MAN1B1: variants seen among roughly 807,000 people sequenced by gnomAD.
The protein encoded by MAN1B1 is mannosidase alpha class 1B member 1, also known as endoplasmic reticulum mannosyl-oligosaccharide 1,2-alpha-mannosidase.
Under a neutral mutation model 75.5 loss-of-function variants are expected in MAN1B1, and 66 were observed. The observed-to-expected ratio is 0.87, with a 90% CI of 0.72 to 1.07. MAN1B1 has a LOEUF of 1.07. Among genes scored for constraint, MAN1B1 ranks in the 50% least tolerant of loss-of-function variants. MAN1B1 has a pLI of 0.00. For synonymous variants in MAN1B1, 453 were observed against 382.8 expected (o/e 1.18, Z -2.14); for missense variants, 973 against 912.5 (o/e 1.07, Z -0.85).
intron 6 of MAN1B1, among the ~76,000 whole-genome samples, chr9:137,100,389 A>G (rs1830775333): frequency 6.6e-6 from 1 of 152,242 alleles, no homozygotes; most frequent in African/African-American, 2.4e-5. Context: ...ATTGGTGGCC[A>G]TAGCAACTGC....
intron 1 of MAN1B1, 34 bp from the exon 2 acceptor site, chr9:137,088,041 C>G: frequency 1.3e-6 from 2 of 1,490,866 alleles, no homozygotes; most frequent in Non-Finnish European, 1.9e-6. Context: ...GTGATATATT[C>G]AGTAAGAAAT....
intron 2 of MAN1B1, 165 bp from the exon 3 acceptor site, chr9:137,088,704 A>T (rs1830444443): frequency 1.2e-6 from 1 of 860,652 alleles, no homozygotes. Context: ...GTGTTTTGAA[A>T]AAGATTTCAT....
In MAN1B1 at chr9:137,096,272, C is replaced by T. The variant is rs1380773429; in HGVS notation, c.501C>T (p.His167=). 3 of 1,614,010 alleles carry T rather than the reference C, an allele frequency of 1.9e-6. No homozygotes were observed. The highest frequency in any genetic ancestry group is 1.7e-6 in the Non-Finnish European group (2 of 1,180,036). The change falls in exon 4 of 13, where the codon CAC becomes CAT. Residue 167 remains histidine (H), a synonymous_variant. Coordinates refer to ENST00000371589, the MANE Select transcript of MAN1B1 (RefSeq NM_016219.5). ...GACACATCCAGCGGGGACCACCTCA[C>T]CTGCAGATTAGACCCCCAAGCCAAG... is the stretch of plus-strand genomic sequence containing the variant. The part of the protein sequence containing the change: ...TQRHIQRGPP[H]LQIRPPSQDL...
At chr9:137,100,120 T>C (rs570486127) in intron 6 of MAN1B1, among the ~76,000 whole-genome samples, 1 of 152,328 alleles carries the variant, frequency 6.6e-6, no homozygotes, top group African/African-American at 2.4e-5. Flanking sequence ...GTGGACTCTT[T>C]GGGGGACGTC....
intron 2 of MAN1B1, 79 bp downstream of exon 2, chr9:137,088,262 A>T: frequency 6.2e-7 from 1 of 1,613,348 alleles, no homozygotes; most frequent in South Asian, 1.1e-5. Flanking sequence ...ATTCTACCTT[A>T]AACAGCTCCA....
rs1831096819 is a variant in MAN1B1 at position 137,106,246 on chromosome 9, GCGC to G, written c.1378_1380del (p.Ala460del). 8.8e-6 allele frequency: 14 copies of G among 1,592,110 alleles called. No homozygotes were observed. Among genetic ancestry groups the G allele is most frequent in the Non-Finnish European group, 1.2e-5 (14 of 1,169,722 alleles). ...ACCCACCTGGGCGTATTCACGCTGG[GCGC>G]CAGGGCCGACAGCTACTATGAGTAC... On this transcript the variant is annotated inframe_deletion, in exon 9 of 13. Coordinates refer to ENST00000371589, the MANE Select transcript of MAN1B1 (RefSeq NM_016219.5).
chr9:137,103,501 C>T (rs937846033), intron 8 of MAN1B1: 3 of 436,546 alleles, frequency 6.9e-6, no homozygotes, highest in Non-Finnish European at 1.4e-5. Context: ...CACATTCACG[C>T]TATTGCAGGC....
chr9:137,101,891 T>A, intron 8 of MAN1B1: 2 of 671,020 alleles, frequency 3.0e-6, no homozygotes. Context: ...TTACACACAT[T>A]CACACTGTTG....
chr9:137,093,161 C>T (rs1001424835), intron 3 of MAN1B1, among the ~76,000 whole-genome samples: 13 of 151,922 alleles, frequency 8.6e-5, no homozygotes, highest in African/African-American at 2.9e-4. Context: ...CCGAGGCAGG[C>T]GGATCACTTG....
chr9:137,103,802 C>T (rs569837038), intron 8 of MAN1B1: 29 of 444,464 alleles, frequency 6.5e-5, no homozygotes, highest in African/African-American at 5.9e-4. Context: ...TGGTGTTACA[C>T]ACATTCACAC....
intron 2 of MAN1B1, 117 bp downstream of exon 2, chr9:137,088,300 A>G: frequency 6.2e-7 from 1 of 1,609,716 alleles, no homozygotes; most frequent in African/African-American, 1.3e-5. Flanking sequence ...CGAATTGGCA[A>G]GAAATCAAGA....
Position 137,108,936 on chromosome 9 carries a change from GC to G in MAN1B1, c.*348del. 2.0e-6 allele frequency: 1 copy of G among 492,578 alleles called. No individual in the cohort carries two copies. The highest frequency in any genetic ancestry group is 2.3e-5 in the Admixed American group (1 of 43,514). 30.5% of individuals were successfully genotyped at this position (492,578 alleles called of 1,614,324 possible). ...TGGTACTGGGGTGACCGAGTGGACA[GC>G]CCAGGGTGCAGCTCTGCCCGGGCTC... is the stretch of plus-strand genomic sequence containing the variant. On this transcript the variant is annotated 3_prime_UTR_variant, in exon 13 of 13. Coordinates refer to ENST00000371589, the MANE Select transcript of MAN1B1 (RefSeq NM_016219.5).
chr9:137,099,004 A>G (rs1830733535), intron 5 of MAN1B1, among the ~76,000 whole-genome samples: 1 of 152,044 alleles, frequency 6.6e-6, no homozygotes, highest in Admixed American at 6.6e-5. Context: ...TAATTTTTGT[A>G]TTTTTAGTAG....
chr9:137,092,108 C>A (rs955169471), intron 3 of MAN1B1, among the ~76,000 whole-genome samples: 12 of 152,102 alleles, frequency 7.9e-5, no homozygotes, highest in Non-Finnish European at 1.5e-4. Flanking sequence ...GGTATGGTGG[C>A]TCACACCTGT....
At chr9:137,096,151 G>A in intron 3 of MAN1B1, 86 bp from the exon 4 acceptor site, 1 of 1,411,526 alleles carries the variant, frequency 7.1e-7, no homozygotes, top group South Asian at 1.2e-5. Context: ...GTGAGGTGTG[G>A]GCTGCACCTG....
chr9:137,106,582 G>A (rs1365543141), intron 9 of MAN1B1, 107 bp from the exon 10 acceptor site: 1 of 1,568,690 alleles, frequency 6.4e-7, no homozygotes, highest in Non-Finnish European at 8.7e-7. Flanking sequence ...GTCCGGCAAG[G>A]GCCAGGCCTG....
rs1480041180 is a variant in MAN1B1, at chr9:137,107,460, C to T, written c.1764+13C>T. ...CGTGGAGGTCAAGGTGGGCCTGGGCCTGGGTCAGGGTCCATCAGGAGGAGG... is the reference window on the plus strand; with the variant it reads ...CGTGGAGGTCAAGGTGGGCCTGGGCTTGGGTCAGGGTCCATCAGGAGGAGG... On this transcript the variant is annotated intron_variant, in intron 11 of 12. Coordinates refer to ENST00000371589, the MANE Select transcript of MAN1B1 (RefSeq NM_016219.5). 1 of 1,613,320 alleles carries T rather than the reference C, an allele frequency of 6.2e-7. No homozygotes were observed. The highest frequency in any genetic ancestry group is 1.1e-5 in the South Asian group (1 of 91,080).
intron 8 of MAN1B1, chr9:137,102,526 G>A (rs1248082301): frequency 6.8e-6 from 3 of 440,104 alleles, no homozygotes; most frequent in African/African-American, 4.1e-5. Flanking sequence ...TCACGCTGTT[G>A]CAGGCGTGCA....
intron 3 of MAN1B1, among the ~76,000 whole-genome samples, chr9:137,090,640 A>G (rs1312256176): frequency 6.6e-6 from 1 of 151,974 alleles, no homozygotes; most frequent in African/African-American, 2.4e-5. Context: ...CCCGGGTTCA[A>G]GTGATTCTCC....
Sources: allele counts gnomAD v4.1 joint callset (sites outside exome capture counted in the v4.1 genomes callset), GRCh38; gene constraint gnomAD v4.1.1; transcripts MANE v1.5; gene names NCBI Gene and HGNC (gene_info 2026-07-23, HGNC 2026-07-21).